Variants in PLXNA4 observed in about 807,000 individuals in gnomAD.
PLXNA4 encodes the protein plexin-A4.
A neutral mutation model predicts 191.8 loss-of-function variants in PLXNA4; 44 were observed. The ratio of observed to expected loss-of-function variants is 0.23; its 90% CI spans 0.18 to 0.29. The LOEUF is 0.29. PLXNA4 is among the 10% of genes least tolerant of loss of function. PLXNA4 has a pLI of 1.00. For missense variants in PLXNA4, 1,800 were observed against 2,488.8 expected (o/e 0.72, Z 5.89); for synonymous variants, 1,082 against 1,009.5 (o/e 1.07, Z -1.36).
At chr7:132,375,282 G>GCC (rs67189242) in intron 3 of PLXNA4, among the ~76,000 whole-genome samples, 1 of 142,532 alleles carries the variant, frequency 7.0e-6, no homozygotes, top group Non-Finnish European at 1.5e-5. Flanking sequence ...ACTCCATCCC[G>GCC]CCCCCCCCCA....
chr7:132,523,680 G>A (rs1333630255), intron 1 of PLXNA4, among the ~76,000 whole-genome samples: 1 of 152,186 alleles, frequency 6.6e-6, no homozygotes, highest in Admixed American at 6.5e-5. Flanking sequence ...TTGGGTGGAA[G>A]AGGAGTTCAC....
intron 4 of PLXNA4, among the ~76,000 whole-genome samples, chr7:132,293,806 T>A (rs1476823851): frequency 6.6e-6 from 1 of 152,188 alleles, no homozygotes; most frequent in Non-Finnish European, 1.5e-5. Context: ...AGGATGCCCT[T>A]CCACTAAGAT....
At chr7:132,330,080 T>G (rs1802532568) in intron 3 of PLXNA4, among the ~76,000 whole-genome samples, 1 of 152,130 alleles carries the variant, frequency 6.6e-6, no homozygotes, top group Admixed American at 6.5e-5. Context: ...ACAGGGCAGA[T>G]TTCCCTGGGC....
intron 2 of PLXNA4, among the ~76,000 whole-genome samples, chr7:132,500,776 TCTTTC>T (rs1798216838): frequency 2.6e-5 from 4 of 152,210 alleles, no homozygotes; most frequent in Admixed American, 2.6e-4. Context: ...TGTATATTTC[TCTTTC>T]CTTAGGAGCT....
chr7:132,128,835 T>G lies in PLXNA4; in HGVS notation c.*1644A>C, dbSNP rs976007445. ...TTCTCCTCAACCTCACCTAAGATGTTTCTCCTTGTCTCCCATAGTGGTGAA... is the reference window on the plus strand; with the variant it reads ...TTCTCCTCAACCTCACCTAAGATGTGTCTCCTTGTCTCCCATAGTGGTGAA... On this transcript the variant is annotated 3_prime_UTR_variant, in exon 32 of 32. Coordinates refer to ENST00000321063, the MANE Select transcript of PLXNA4 (RefSeq NM_020911.2). 1 of 152,166 alleles carries G rather than the reference T, an allele frequency of 6.6e-6. No homozygotes were observed. Among genetic ancestry groups the G allele is most frequent in the Non-Finnish European group, 1.5e-5 (1 of 68,038 alleles). 9.4% of individuals were successfully genotyped at this position (152,166 alleles called of 1,614,324 possible).
chr7:132,468,069 C>T (rs1260660236), intron 3 of PLXNA4, among the ~76,000 whole-genome samples: 2 of 152,090 alleles, frequency 1.3e-5, no homozygotes, highest in African/African-American at 2.4e-5. Flanking sequence ...CTGGTGTGAC[C>T]GAGTTGGAAT....
At chr7:132,305,361 A>AACACACACACACACACACACAC (rs57158164) in intron 3 of PLXNA4, among the ~76,000 whole-genome samples, 3 of 131,176 alleles carry the variant, frequency 2.3e-5, no homozygotes, top group African/African-American at 5.8e-5. Flanking sequence ...GCTTACCAAG[A>AACACACACACACACACACACAC]ACACACACAC....
rs147999445 is a variant in PLXNA4, at chr7:132,494,829, C to T, written c.1189-5355G>A. On this transcript the variant is annotated intron_variant, in intron 2 of 31. Coordinates refer to ENST00000321063, the MANE Select transcript of PLXNA4 (RefSeq NM_020911.2). ...ATGAAAAGGGGATTTTAAATGCAGA[C>T]GGTTTCCTTCCTCCAGCAGTTCCCC... 1.7e-3 allele frequency among the ~76,000 whole-genome samples: 264 copies of T among 152,316 alleles called. 2 individuals are homozygous for T. Among genetic ancestry groups the T allele is most frequent in the African/African-American group, 6.1e-3 (253 of 41,572 alleles).
chr7:132,191,153 C>G (rs1057103962), intron 14 of PLXNA4, among the ~76,000 whole-genome samples: 5 of 151,980 alleles, frequency 3.3e-5, no homozygotes, highest in Non-Finnish European at 5.9e-5. Context: ...GGAGGGGGAG[C>G]CTTGGCTCTT....
At chr7:132,470,348 T>C (rs779086698) in intron 3 of PLXNA4, among the ~76,000 whole-genome samples, 51 of 152,182 alleles carry the variant, frequency 3.4e-4, no homozygotes, top group Non-Finnish European at 5.3e-4. Context: ...TTTGGTGGGA[T>C]TGTCAGTCTT....
chr7:132,426,229 G>A (rs1035779980), intron 3 of PLXNA4, among the ~76,000 whole-genome samples: 1 of 152,192 alleles, frequency 6.6e-6, no homozygotes, highest in Non-Finnish European at 1.5e-5. Flanking sequence ...AGAGCCCACC[G>A]CCATGGCTCA....
chr7:132,345,103 T>C (rs756208668), intron 3 of PLXNA4, among the ~76,000 whole-genome samples: 18 of 152,174 alleles, frequency 1.2e-4, no homozygotes, highest in Admixed American at 2.0e-4. Context: ...GGGGGATGGA[T>C]GTAGGTGTGA....
chr7:132,602,175 A>C (rs1350432991), intron 2 of PLXNA4, among the ~76,000 whole-genome samples: 3 of 152,194 alleles, frequency 2.0e-5, no homozygotes, highest in African/African-American at 4.8e-5. Context: ...GTAGCGAGGT[A>C]ATTAGACTCC....
chr7:132,292,223 C>T (rs558621313), intron 4 of PLXNA4, among the ~76,000 whole-genome samples: 11 of 152,304 alleles, frequency 7.2e-5, no homozygotes, highest in African/African-American at 2.4e-4. Flanking sequence ...CCCTGACTGT[C>T]AAATGCCTCT....
intron 3 of PLXNA4, among the ~76,000 whole-genome samples, chr7:132,391,201 G>C (rs1334616366): frequency 6.6e-6 from 1 of 152,180 alleles, no homozygotes; most frequent in Non-Finnish European, 1.5e-5. Flanking sequence ...ATGAGTGTGT[G>C]TGGCCATGCT....
chr7:132,250,374 G>A (rs1799206303), intron 4 of PLXNA4, among the ~76,000 whole-genome samples: 1 of 152,200 alleles, frequency 6.6e-6, no homozygotes, highest in Admixed American at 6.5e-5. Flanking sequence ...AAATAAATAA[G>A]TGAATGAATG....
At chr7:132,272,773 T>G (rs1316625859) in intron 4 of PLXNA4, among the ~76,000 whole-genome samples, 2 of 152,210 alleles carry the variant, frequency 1.3e-5, no homozygotes, top group Non-Finnish European at 2.9e-5. Flanking sequence ...ATGCTGTTCC[T>G]TCTGCTGAAA....
intron 1 of PLXNA4, among the ~76,000 whole-genome samples, chr7:132,524,307 T>G (rs187650593): frequency 6.6e-6 from 1 of 152,338 alleles, no homozygotes; most frequent in East Asian, 1.9e-4. Context: ...CAGCAAAACT[T>G]GATTTTACCA....
chr7:132,132,476 TGCTCTGCTCTGCTCTA>T (rs781188716), intron 31 of PLXNA4, among the ~76,000 whole-genome samples: 1 of 62,066 alleles, frequency 1.6e-5, no homozygotes, highest in Non-Finnish European at 3.5e-5. Flanking sequence ...TGCTCTGCTC[TGCTCTGCTCTGCTCTA>T]TTCTTTTCTA....
Sources: allele counts gnomAD v4.1 joint callset (sites outside exome capture counted in the v4.1 genomes callset), GRCh38; gene constraint gnomAD v4.1.1; transcripts MANE v1.5; gene names NCBI Gene and HGNC (gene_info 2026-07-23, HGNC 2026-07-21).